Variants in RAB33A observed in about 807,000 individuals in gnomAD.
The protein encoded by RAB33A is ras-related protein Rab-33A.
A neutral mutation model predicts 12.0 loss-of-function variants in RAB33A; 6 were observed. That is an observed-to-expected ratio of 0.50 (90% CI 0.27 to 0.99). RAB33A has a LOEUF of 0.99. Among genes scored for constraint, RAB33A ranks in the 50% least tolerant of loss-of-function variants. RAB33A has a pLI of 0.11. For synonymous variants in RAB33A, 70 were observed against 82.4 expected (o/e 0.85, Z 0.81); for missense variants, 109 against 192.0 (o/e 0.57, Z 2.55).
At chrX:130,117,322 A>G in the RAB33A span, among the ~76,000 whole-genome samples, 1 of 112,801 alleles carries the variant, frequency 8.9e-6, no homozygotes, top group African/African-American at 3.2e-5. Context: ...TTCGAGCTGG[A>G]CAGCAGCTCA....
At chrX:130,167,128 A>G (rs209538), upstream of RAB33A, among the ~76,000 whole-genome samples, 54,961 of 110,736 alleles carry the variant, frequency 0.5, 10,599 homozygotes, top group African/African-American at 0.71. Context: ...TTCAAACAGT[A>G]GAGGAAAAGG....
At chrX:130,168,914 G>A (rs1161745878), upstream of RAB33A, among the ~76,000 whole-genome samples, 1 of 110,398 alleles carries the variant, frequency 9.1e-6, no homozygotes, top group Admixed American at 9.6e-5. Context: ...AATATTGAAA[G>A]TATCAATTCC....
chrX:130,180,363 G>C (rs2031710156), intron 1 of RAB33A, among the ~76,000 whole-genome samples: 1 of 112,800 alleles, frequency 8.9e-6, no homozygotes, highest in African/African-American at 3.2e-5. Flanking sequence ...ACTTTCAGGG[G>C]CTGAGGCAGG....
At chrX:130,167,082 T>A (rs1210892311), upstream of RAB33A, among the ~76,000 whole-genome samples, 1 of 112,065 alleles carries the variant, frequency 8.9e-6, no homozygotes, top group Non-Finnish European at 1.9e-5. Context: ...GTGTAAGAAG[T>A]TATTTGAGTT....
At chrX:130,180,325 C>T (rs374788940) in intron 1 of RAB33A, among the ~76,000 whole-genome samples, 1 of 112,723 alleles carries the variant, frequency 8.9e-6, no homozygotes, top group Non-Finnish European at 1.9e-5. Context: ...AGAGATCGGG[C>T]ACTGGGGCTC....
the RAB33A span, among the ~76,000 whole-genome samples, chrX:130,113,054 CTTTTTCTTTTTTTTTTTTCCTTCTTT>C: frequency 6.4e-5 from 4 of 62,347 alleles, 1 homozygote; most frequent in Non-Finnish European, 1.3e-4. Context: ...TGTGTGTTTT[CTTTTTCTTTTTTTTTTTTCCTTCTTT>C]TTTTTTTTTT....
the RAB33A span, among the ~76,000 whole-genome samples, chrX:130,161,049 A>C: frequency 1.8e-5 from 2 of 111,624 alleles, no homozygotes; most frequent in African/African-American, 6.5e-5. Flanking sequence ...CTAAACTAGC[A>C]AGTTCATTTC....
Position 130,172,068 on chromosome X carries a change from G to A in RAB33A, c.6G>A (p.Ala2=). The A allele has an allele frequency of 8.3e-7, 1 of 1,207,071 alleles. No individual in the cohort carries two copies. Among genetic ancestry groups the A allele is most frequent in the Non-Finnish European group, 1.1e-6 (1 of 893,337 alleles). Residue 2 remains alanine (A), a synonymous_variant, in exon 1 of 2, where the codon GCG becomes GCA. Transcript: ENST00000257017. The part of the protein sequence containing the change: M[A]QPILGHGSLQ... ...CCCGGTTCGGTCCGGGGGAGATGGCGCAGCCCATCCTGGGCCATGGGAGCC... is the reference window on the plus strand; with the variant it reads ...CCCGGTTCGGTCCGGGGGAGATGGCACAGCCCATCCTGGGCCATGGGAGCC...
the RAB33A span, chrX:130,131,891 G>C: frequency 1.0e-6 from 1 of 979,483 alleles, no homozygotes; most frequent in Non-Finnish European, 1.4e-6. Context: ...TTTTTTTTTT[G>C]AGACGGAGTT....
At chrX:130,182,157 A>AAAAAAAT (rs1384841230) in intron 1 of RAB33A, among the ~76,000 whole-genome samples, 8 of 44,634 alleles carry the variant, frequency 1.8e-4, no homozygotes, top group African/African-American at 9.4e-4. Context: ...AAAAAAAAAA[A>AAAAAAAT]ATATATATAT....
At chrX:130,149,753 T>C in the RAB33A span, among the ~76,000 whole-genome samples, 1 of 112,460 alleles carries the variant, frequency 8.9e-6, no homozygotes, top group East Asian at 2.8e-4. Flanking sequence ...ATGCTTGGTA[T>C]GGAAAAAATA....
the RAB33A span, among the ~76,000 whole-genome samples, chrX:130,145,315 C>T: frequency 9.0e-6 from 1 of 111,600 alleles, no homozygotes; most frequent in South Asian, 3.8e-4. Flanking sequence ...TAGTGCTTTC[C>T]CCAGAAAGAC....
At chrX:130,153,650 T>C in the RAB33A span, among the ~76,000 whole-genome samples, 2 of 110,887 alleles carry the variant, frequency 1.8e-5, no homozygotes, top group Non-Finnish European at 3.8e-5. Flanking sequence ...CCTAATCAGA[T>C]AGAGCTGGAG....
the RAB33A span, among the ~76,000 whole-genome samples, chrX:130,117,857 T>G: frequency 6.2e-5 from 7 of 112,683 alleles, no homozygotes; most frequent in Non-Finnish European, 7.5e-5. Context: ...TGTCATCTCT[T>G]TGACCTCTGA....
chrX:130,126,990 C>T, the RAB33A span, among the ~76,000 whole-genome samples: 84 of 111,348 alleles, frequency 7.5e-4, no homozygotes, highest in African/African-American at 2.6e-3. Flanking sequence ...GATGGCGTTC[C>T]GGATGTGAAG....
chrX:130,139,763 A>T, the RAB33A span: 42 of 1,193,115 alleles, frequency 3.5e-5, no homozygotes, highest in Non-Finnish European at 4.7e-5. Context: ...CTTCAAAAAC[A>T]ACACAAGGAA....
At chrX:130,129,827 G>A in the RAB33A span, 4 of 848,066 alleles carry the variant, frequency 4.7e-6, no homozygotes, top group South Asian at 2.1e-5. Flanking sequence ...GAATGTTCCT[G>A]AGCCAAGGCT....
the RAB33A span, among the ~76,000 whole-genome samples, chrX:130,155,782 C>A: frequency 1.8e-3 from 199 of 111,969 alleles, no homozygotes; most frequent in Admixed American, 3.0e-3. Context: ...GGCTTAGTCA[C>A]AGTAAACCCT....
At chrX:130,183,105 AC>A (rs1198268761) in intron 1 of RAB33A, among the ~76,000 whole-genome samples, 21 of 106,805 alleles carry the variant, frequency 2.0e-4, no homozygotes, top group African/African-American at 7.1e-4. Context: ...ATGGGATTTC[AC>A]CATGTTGGCC....
Sources: gnomAD v4.1 joint callset for allele counts (sites outside exome capture counted in the v4.1 genomes callset) on GRCh38, gnomAD v4.1.1 for gene constraint, MANE v1.5 for transcripts, NCBI Gene and HGNC (gene_info 2026-07-23, HGNC 2026-07-21) for gene names.